Variants in LPP observed in about 807,000 individuals in gnomAD.
The protein encoded by LPP is lipoma-preferred partner.
A neutral mutation model predicts 60.4 loss-of-function variants in LPP; 38 were observed. The ratio of observed to expected loss-of-function variants is 0.63; its 90% CI spans 0.49 to 0.83. The LOEUF is 0.83. Among genes scored for constraint, LPP ranks in the 40% least tolerant of loss-of-function variants. The probability of loss-of-function intolerance (pLI) is 0.00; values close to 1 mark genes in which losing one functional copy is unlikely to be tolerated. For synonymous variants in LPP, 328 were observed against 290.8 expected, an observed-to-expected ratio of 1.13 and a Z score of -1.30; for missense variants, 902 against 783.6, an observed-to-expected ratio of 1.15 and a Z score of -1.80.
At chr3:188,193,742 G>C (rs993568419) in intron 1 of LPP, among the ~76,000 whole-genome samples, 59 of 152,082 alleles carry the variant, frequency 3.9e-4, no homozygotes, top group Non-Finnish European at 7.6e-4. Context: ...GCAAGTAGAA[G>C]GTTCTTTTTT....
chr3:188,815,601 C>T (rs553626342), intron 9 of LPP, among the ~76,000 whole-genome samples: 1 of 151,386 alleles, frequency 6.6e-6, no homozygotes, highest in East Asian at 1.9e-4. Context: ...AAGAACTCCA[C>T]AATGGATTTG....
chr3:188,483,501 T>A (rs1262590560), intron 4 of LPP, among the ~76,000 whole-genome samples: 1 of 152,198 alleles, frequency 6.6e-6, no homozygotes, highest in Non-Finnish European at 1.5e-5. Context: ...TCAAAAACAT[T>A]ATTTTTAATA....
intron 7 of LPP, among the ~76,000 whole-genome samples, chr3:188,660,292 T>C (rs557822997): frequency 6.6e-6 from 1 of 152,306 alleles, no homozygotes; most frequent in Admixed American, 6.5e-5. Context: ...TGTTGGCATA[T>C]GCAAACAGAA....
intron 1 of LPP, among the ~76,000 whole-genome samples, chr3:188,163,951 C>CAAAAA (rs34632883): frequency 2.6e-5 from 3 of 115,172 alleles, no homozygotes; most frequent in African/African-American, 1.1e-4. Context: ...ACTCTGTCTC[C>CAAAAA]AAAAAAAAAA....
In LPP at chr3:188,825,263, CTCTCTCTG is replaced by C. The variant is rs1331101254; in HGVS notation, c.1411-40935_1411-40928del. Among the ~76,000 whole-genome samples, 265 of 103,556 alleles carry C rather than the reference CTCTCTCTG, an allele frequency of 2.6e-3. 1 individual carries two copies. The highest frequency in any genetic ancestry group is 9.1e-3 in the African/African-American group (254 of 28,062). 67.9% of individuals were successfully genotyped at this position (103,556 alleles called of 152,430 possible). A position where few individuals can be genotyped will look rare whatever the true frequency, so the allele number is the denominator to read the frequency against. On this transcript the variant is annotated intron_variant, in intron 9 of 11. Coordinates refer to ENST00000617246, the MANE Select transcript of LPP (RefSeq NM_001375462.1). ...AGCCTTTCTTTCTCTCTCTCTCTCTCTCTCTCTGTGTGTGTGTGTGTGTGTGTGTGTGT... is the reference window on the plus strand; with the variant it reads ...AGCCTTTCTTTCTCTCTCTCTCTCTCTGTGTGTGTGTGTGTGTGTGTGTGT...
intron 2 of LPP, among the ~76,000 whole-genome samples, chr3:188,301,981 A>AG (rs1361025154): frequency 9.8e-6 from 1 of 102,548 alleles, no homozygotes; most frequent in African/African-American, 6.2e-5. Flanking sequence ...AAAAAAAAAG[A>AG]AAAAAAAAAC....
intron 9 of LPP, among the ~76,000 whole-genome samples, chr3:188,843,818 A>G (rs1229323755): frequency 1.4e-5 from 2 of 147,400 alleles, no homozygotes; most frequent in African/African-American, 2.5e-5. Flanking sequence ...TGGGTACCTC[A>G]TCTTTTTCAG....
At position 188,874,687 on chromosome 3, in the gene LPP, C is replaced by A. The variant is rs1769039850; in HGVS notation, c.*208C>A. The A allele has an allele frequency of 1.9e-6, 1 of 528,180 alleles. No homozygotes were observed. Among genetic ancestry groups the A allele is most frequent in the Non-Finnish European group, 3.3e-6 (1 of 305,044 alleles). The allele number at this position is 528,180 out of a possible 1,614,324, so 32.7% of individuals were successfully genotyped here. ...TTGAATCATGTAGGATCTTGATGGG[C>A]CTTTGTTCCCAAGGACTTCCACATT... is the stretch of plus-strand genomic sequence containing the variant. On this transcript the variant is annotated 3_prime_UTR_variant, in exon 12 of 12. Transcript: ENST00000617246.
chr3:188,863,335 T>C (rs1765732154), intron 9 of LPP, among the ~76,000 whole-genome samples: 1 of 152,146 alleles, frequency 6.6e-6, no homozygotes, highest in Non-Finnish European at 1.5e-5. Context: ...ACCTAGCAAC[T>C]TTCCTTTTTC....
At chr3:188,336,634 C>A (rs918512365) in intron 2 of LPP, among the ~76,000 whole-genome samples, 5 of 152,132 alleles carry the variant, frequency 3.3e-5, no homozygotes, top group Non-Finnish European at 7.4e-5. Context: ...GTTACTTGTG[C>A]CCTGAGTGGG....
intron 4 of LPP, among the ~76,000 whole-genome samples, chr3:188,483,173 T>C (rs541234369): frequency 1.3e-5 from 2 of 152,304 alleles, no homozygotes; most frequent in African/African-American, 4.8e-5. Flanking sequence ...TGAATTTGGC[T>C]TGGGGCTAGA....
At chr3:188,203,522 TATAA>T (rs535281684) in intron 1 of LPP, among the ~76,000 whole-genome samples, 30,416 of 82,078 alleles carry the variant, frequency 0.37, 7,155 homozygotes, top group Non-Finnish European at 0.46. Context: ...TTTAAATATA[TATAA>T]ATATATATTT....
chr3:188,273,525 T>G (rs187981678), intron 2 of LPP, among the ~76,000 whole-genome samples: 1 of 152,030 alleles, frequency 6.6e-6, no homozygotes, highest in African/African-American at 2.4e-5. Flanking sequence ...TTTTTCAGTG[T>G]GTTCTCTGAT....
chr3:188,281,901 T>A (rs1742211585), intron 2 of LPP, among the ~76,000 whole-genome samples: 1 of 152,200 alleles, frequency 6.6e-6, no homozygotes, highest in Non-Finnish European at 1.5e-5. Flanking sequence ...ATTGAAATAG[T>A]TACTCCGAAT....
At chr3:188,191,256 A>G (rs983515440) in intron 1 of LPP, among the ~76,000 whole-genome samples, 1 of 151,998 alleles carries the variant, frequency 6.6e-6, no homozygotes, top group Non-Finnish European at 1.5e-5. Flanking sequence ...CAAACAAAAA[A>G]CCCAGTTGGT....
chr3:188,623,368 C>T (rs946514007), intron 7 of LPP, among the ~76,000 whole-genome samples: 5 of 151,742 alleles, frequency 3.3e-5, no homozygotes, highest in African/African-American at 9.7e-5. Context: ...GGTGATTCTC[C>T]CGCCTCAGCC....
At chr3:188,810,420 A>T (rs191796921) in intron 9 of LPP, among the ~76,000 whole-genome samples, 40 of 152,272 alleles carry the variant, frequency 2.6e-4, no homozygotes, top group African/African-American at 8.7e-4. Context: ...ATAGGTGACT[A>T]CATTACAATA....
chr3:188,596,529 C>G (rs999198982), intron 6 of LPP, among the ~76,000 whole-genome samples: 2 of 151,872 alleles, frequency 1.3e-5, no homozygotes, highest in African/African-American at 4.8e-5. Flanking sequence ...ATTTTTTTCT[C>G]CTATACAATC....
At chr3:188,333,799 T>C (rs746013410) in intron 2 of LPP, among the ~76,000 whole-genome samples, 2 of 152,240 alleles carry the variant, frequency 1.3e-5, no homozygotes, top group Admixed American at 1.3e-4. Context: ...TTTTGATACA[T>C]GTATACAATG....
Sources: allele counts gnomAD v4.1 joint callset (sites outside exome capture counted in the v4.1 genomes callset), GRCh38; gene constraint gnomAD v4.1.1; transcripts MANE v1.5; gene names NCBI Gene and HGNC (gene_info 2026-07-23, HGNC 2026-07-21).